The following LINGO2 variants were observed in gnomAD, a reference collection of about 807,000 sequenced individuals.
LINGO2 encodes leucine rich repeat and Ig domain containing 2, also known as leucine-rich repeat and immunoglobulin-like domain-containing nogo receptor-interacting protein 2.
In LINGO2, 14 loss-of-function variants were observed where a neutral mutation model predicts 30.6. That is an observed-to-expected ratio of 0.46 (90% CI 0.30 to 0.72). LINGO2 has a LOEUF of 0.72. Ranked by LOEUF, LINGO2 falls within the 30% of genes least tolerant of loss-of-function variation. The pLI, the probability that LINGO2 is intolerant of heterozygous loss-of-function variation, is 0.07. For missense variants in LINGO2, 729 were observed against 751.7 expected (o/e 0.97, Z 0.35); for synonymous variants, 317 against 288.5 (o/e 1.10, Z -1.00).
the LINGO2 span, among the ~76,000 whole-genome samples, chr9:28,946,982 G>A: frequency 6.6e-6 from 1 of 152,144 alleles, no homozygotes; most frequent in Admixed American, 6.6e-5. Context: ...CTGAGTCCCA[G>A]GAACAAAAGA....
chr9:28,422,555 G>A (rs1823241537), intron 2 of LINGO2, among the ~76,000 whole-genome samples: 2 of 151,978 alleles, frequency 1.3e-5, no homozygotes, highest in East Asian at 3.9e-4. Flanking sequence ...TGAATTGAAA[G>A]GTTTGTATAC....
chr9:29,040,006 T>G, the LINGO2 span, among the ~76,000 whole-genome samples: 1 of 152,314 alleles, frequency 6.6e-6, no homozygotes, highest in East Asian at 1.9e-4. Context: ...TTTTAGATTC[T>G]AATTTGAAAC....
intron 4 of LINGO2, among the ~76,000 whole-genome samples, chr9:28,198,260 A>AC (rs1587201635): frequency 2.0e-5 from 3 of 151,370 alleles, no homozygotes; most frequent in Admixed American, 6.6e-5. Flanking sequence ...AAAAAAAAAA[A>AC]CAAACTCTAA....
At chr9:28,240,757 A>G (rs1821754100) in intron 4 of LINGO2, among the ~76,000 whole-genome samples, 1 of 152,206 alleles carries the variant, frequency 6.6e-6, no homozygotes, top group Admixed American at 6.5e-5. Context: ...GTAATATCCC[A>G]CAAGCATAAG....
intron 5 of LINGO2, among the ~76,000 whole-genome samples, chr9:28,009,721 G>A (rs1473084323): frequency 6.6e-6 from 1 of 152,172 alleles, no homozygotes; most frequent in African/African-American, 2.4e-5. Flanking sequence ...AACAAGTGTT[G>A]ACAATGATGT....
the LINGO2 span, among the ~76,000 whole-genome samples, chr9:29,118,044 T>G: frequency 6.6e-6 from 1 of 152,068 alleles, no homozygotes; most frequent in Non-Finnish European, 1.5e-5. Context: ...ACTGTCAACA[T>G]GAAAATTGTT....
Position 28,017,765 on chromosome 9 carries a change from T to C in LINGO2, c.-86-5360A>G, listed in dbSNP as rs149555722. Among the ~76,000 whole-genome samples, 523 of 152,276 alleles carry C rather than the reference T, an allele frequency of 3.4e-3. 4 individuals carry two copies. Among genetic ancestry groups the C allele is most frequent in the African/African-American group, 0.012 (504 of 41,564 alleles). On this transcript the variant is annotated intron_variant, in intron 4 of 5. Coordinates refer to ENST00000379992, the Ensembl canonical transcript of LINGO2. ...TCATGGATAGGAAGAATCAATACTG[T>C]AATAATGGCCATGCTGCCCAAAGCA...
At chr9:28,807,186 G>A in the LINGO2 span, among the ~76,000 whole-genome samples, 4 of 151,748 alleles carry the variant, frequency 2.6e-5, no homozygotes, top group South Asian at 2.1e-4. Context: ...CACCACGCCC[G>A]GCTAATTTTT....
chr9:28,129,139 A>G lies in LINGO2; in HGVS notation c.-86-116734T>C, dbSNP rs570056860. On this transcript the variant is annotated intron_variant, in intron 4 of 5. Coordinates refer to ENST00000379992, the Ensembl canonical transcript of LINGO2. The surrounding 1 kb of genome is among the most constrained non-coding windows in gnomAD (Gnocchi z 4.0). ...ACCATAGAATGAAGCCTGCACTGTCAACTTCCCTACTTTTGAGGCTTTGGG... is the reference window on the plus strand; with the variant it reads ...ACCATAGAATGAAGCCTGCACTGTCGACTTCCCTACTTTTGAGGCTTTGGG... Among the ~76,000 whole-genome samples the G allele has an allele frequency of 6.6e-6, 1 of 152,238 alleles. No homozygotes were observed. The highest frequency in any genetic ancestry group is 2.1e-4 in the South Asian group (1 of 4,824).
the LINGO2 span, among the ~76,000 whole-genome samples, chr9:29,041,734 C>A: frequency 6.6e-6 from 1 of 151,860 alleles, no homozygotes; most frequent in Non-Finnish European, 1.5e-5. Context: ...TCTTCATAAT[C>A]CAGGGATAAA....
At chr9:28,932,152 T>TAAAATAAAATAAAATAAAATAAAATA in the LINGO2 span, among the ~76,000 whole-genome samples, 1 of 124,618 alleles carries the variant, frequency 8.0e-6, no homozygotes, top group Non-Finnish European at 1.7e-5. Flanking sequence ...TAAAATAAAA[T>TAAAATAAAATAAAATAAAATAAAATA]GAAAGGCAGT....
chr9:28,304,285 A>G (rs1055259046), intron 3 of LINGO2, among the ~76,000 whole-genome samples: 4 of 150,708 alleles, frequency 2.7e-5, no homozygotes, highest in Admixed American at 2.0e-4. Context: ...CTAAAAATAT[A>G]CTTCACCTGG....
intron 3 of LINGO2, among the ~76,000 whole-genome samples, chr9:28,344,522 A>G (rs891606455): frequency 3.9e-4 from 59 of 152,282 alleles, no homozygotes; most frequent in African/African-American, 1.3e-3. Context: ...GACAAAAAGT[A>G]TCTGGGTATA....
chr9:28,603,957 T>A (rs1304907690), intron 1 of LINGO2, among the ~76,000 whole-genome samples: 1 of 152,082 alleles, frequency 6.6e-6, no homozygotes, highest in Non-Finnish European at 1.5e-5. Flanking sequence ...GTTTCTTCTG[T>A]TTTCTCTACT....
At chr9:28,547,163 T>C (rs2135485637) in intron 1 of LINGO2, among the ~76,000 whole-genome samples, 1 of 152,276 alleles carries the variant, frequency 6.6e-6, no homozygotes, top group Admixed American at 6.5e-5. Context: ...GTTACGTTGT[T>C]TACCAGCTAG....
At chr9:28,307,162 T>A (rs550250163) in intron 3 of LINGO2, among the ~76,000 whole-genome samples, 1 of 152,280 alleles carries the variant, frequency 6.6e-6, no homozygotes, top group Admixed American at 6.5e-5. Flanking sequence ...CTGATGAACA[T>A]TGATGCAAAA....
At chr9:28,402,307 T>C (rs935744317) in intron 2 of LINGO2, among the ~76,000 whole-genome samples, 2 of 152,116 alleles carry the variant, frequency 1.3e-5, no homozygotes, top group Non-Finnish European at 2.9e-5. Flanking sequence ...CCCCTATTTG[T>C]TGAAAAAAGT....
At chr9:28,871,783 G>A in the LINGO2 span, among the ~76,000 whole-genome samples, 2 of 151,782 alleles carry the variant, frequency 1.3e-5, no homozygotes, top group African/African-American at 4.8e-5. Context: ...TGCATTAACT[G>A]GGTGAACTTT....
At chr9:28,013,554 T>C (rs1386401492) in intron 4 of LINGO2, among the ~76,000 whole-genome samples, 1 of 152,200 alleles carries the variant, frequency 6.6e-6, no homozygotes, top group African/African-American at 2.4e-5. Flanking sequence ...AACTGTCAAA[T>C]ACTCTTGTAC....
Sources: allele counts gnomAD v4.1 joint callset (sites outside exome capture counted in the v4.1 genomes callset), GRCh38; gene constraint gnomAD v4.1.1; non-coding constraint Gnocchi (gnomAD v3.1); transcripts MANE v1.5; gene names NCBI Gene and HGNC (gene_info 2026-07-23, HGNC 2026-07-21).